The following ARHGAP10 variants were observed in gnomAD, a reference collection of about 807,000 sequenced individuals.
The protein encoded by ARHGAP10 is Rho GTPase activating protein 10.
In ARHGAP10, 87 loss-of-function variants were observed where a neutral mutation model predicts 108.6. The ratio of observed to expected loss-of-function variants is 0.80; its 90% confidence interval spans 0.67 to 0.96. The LOEUF (loss-of-function observed/expected upper bound fraction) is 0.96, where lower values mean the gene tolerates loss of function less well. ARHGAP10 is among the 40% of genes least tolerant of loss of function. The pLI is 0.00. For missense variants in ARHGAP10, 939 were observed against 954.5 expected (o/e 0.98, Z 0.21); for synonymous variants, 347 against 341.1 (o/e 1.02, Z -0.19).
In ARHGAP10 at chr4:148,007,535, G is replaced by A. The variant is rs528975478; in HGVS notation, c.1717-15728G>A. ...ATGGGTATGTATTTTCTCCTTCAGCGATTCATGAGTCAGCTATTCAAGCCC... is the reference window on the plus strand; with the variant it reads ...ATGGGTATGTATTTTCTCCTTCAGCAATTCATGAGTCAGCTATTCAAGCCC... On this transcript the variant is annotated intron_variant, in intron 18 of 22. Coordinates refer to ENST00000336498, the MANE Select transcript of ARHGAP10 (RefSeq NM_024605.4). Among the ~76,000 whole-genome samples the A allele has an allele frequency of 5.8e-4, 88 of 152,280 alleles. 1 individual carries two copies. In the South Asian group the frequency reaches 0.014, roughly 24 times the overall value.
chr4:147,847,871 T>C (rs1275789124), intron 4 of ARHGAP10, among the ~76,000 whole-genome samples: 1 of 152,228 alleles, frequency 6.6e-6, no homozygotes, highest in Non-Finnish European at 1.5e-5. Context: ...TAGCAACTTA[T>C]TTAAAATGTG....
At position 148,016,568 on chromosome 4, in the gene ARHGAP10, C is replaced by G. The variant is rs1030014313; in HGVS notation, c.1717-6695C>G. Among the ~76,000 whole-genome samples the G allele has an allele frequency of 2.0e-5, 3 of 152,086 alleles. 1 individual carries two copies. Among genetic ancestry groups the G allele is most frequent in the Admixed American group, 6.6e-5 (1 of 15,266 alleles). ...TTTTTTCTCTGTTCTTATAACACAA[C>G]AATCAACACAGAAAACCTTTGTGTC... On this transcript the variant is annotated intron_variant, in intron 18 of 22. Transcript: ENST00000336498.
chr4:147,824,476 G>A (rs1732626269), intron 3 of ARHGAP10, among the ~76,000 whole-genome samples: 1 of 152,186 alleles, frequency 6.6e-6, no homozygotes. Context: ...GTGTGCCAGT[G>A]CATTAGTCCG....
At chr4:147,849,816 T>C (rs1286999942) in intron 4 of ARHGAP10, among the ~76,000 whole-genome samples, 1 of 152,222 alleles carries the variant, frequency 6.6e-6, no homozygotes, top group Non-Finnish European at 1.5e-5. Flanking sequence ...ATGCTCTCCT[T>C]GAGCCCTATC....
intron 4 of ARHGAP10, among the ~76,000 whole-genome samples, chr4:147,852,399 C>T (rs1377981828): frequency 6.6e-6 from 1 of 152,150 alleles, no homozygotes; most frequent in Admixed American, 6.5e-5. Context: ...GTGCTCCATT[C>T]TGTGAGGATG....
Position 147,906,733 on chromosome 4 carries a change from A to G in ARHGAP10, c.1116+14A>G, listed in dbSNP as rs139674812. The G allele has an allele frequency of 5.8e-4, 938 of 1,613,660 alleles. 2 individuals carry two copies. In the African/African-American group the frequency reaches 6.9e-3, roughly 12 times the overall value. ...GGAAAGGAAGCTGTAAGAATAATCA[A>G]TGGTTGAGTTTTATTTCAAAGCCTT... On this transcript the variant is annotated intron_variant, in intron 11 of 22. Coordinates refer to ENST00000336498, the MANE Select transcript of ARHGAP10 (RefSeq NM_024605.4).
intron 1 of ARHGAP10, among the ~76,000 whole-genome samples, chr4:147,803,177 T>C (rs1381696633): frequency 6.6e-6 from 1 of 152,108 alleles, no homozygotes; most frequent in Non-Finnish European, 1.5e-5. Context: ...CCAAGCTGAT[T>C]TTTGTAATTT....
intron 1 of ARHGAP10, among the ~76,000 whole-genome samples, chr4:147,773,780 G>C (rs1730173057): frequency 1.3e-5 from 2 of 152,210 alleles, no homozygotes; most frequent in Non-Finnish European, 2.9e-5. Flanking sequence ...TCTTTAGAAT[G>C]TGAGTCAATA....
intron 12 of ARHGAP10, among the ~76,000 whole-genome samples, chr4:147,911,579 G>A (rs953366898): frequency 5.7e-4 from 87 of 152,242 alleles, no homozygotes; most frequent in Middle Eastern, 6.8e-3. Context: ...AGCCAGGATG[G>A]TCTTGATCTC....
intron 16 of ARHGAP10, among the ~76,000 whole-genome samples, chr4:147,959,085 T>C (rs546010906): frequency 2.0e-5 from 3 of 152,338 alleles, no homozygotes; most frequent in African/African-American, 7.2e-5. Context: ...TAAGCAACTT[T>C]AGATGATTTA....
intron 18 of ARHGAP10, among the ~76,000 whole-genome samples, chr4:147,977,653 CT>C (rs202134962): frequency 1.3e-5 from 2 of 151,250 alleles, no homozygotes; most frequent in Non-Finnish European, 3.0e-5. Flanking sequence ...AATTGTGTGA[CT>C]TTTTTTTTCC....
At chr4:147,911,994 C>CGTGTGTGTGT (rs36217593) in intron 12 of ARHGAP10, among the ~76,000 whole-genome samples, 2 of 135,434 alleles carry the variant, frequency 1.5e-5, no homozygotes, top group African/African-American at 5.8e-5. Context: ...AGAACATTCA[C>CGTGTGTGTGT]GTGTGTGTGT....
intron 1 of ARHGAP10, among the ~76,000 whole-genome samples, chr4:147,751,222 G>A (rs1225511020): frequency 1.3e-5 from 2 of 151,944 alleles, no homozygotes; most frequent in Admixed American, 1.3e-4. Context: ...GATCACTATT[G>A]TTTTAGATTA....
chr4:147,911,467 G>A (rs546393264), intron 12 of ARHGAP10, among the ~76,000 whole-genome samples: 6 of 152,286 alleles, frequency 3.9e-5, no homozygotes, highest in African/African-American at 7.2e-5. Context: ...GGTTCACTCC[G>A]TTTTCCTGTC....
intron 19 of ARHGAP10, among the ~76,000 whole-genome samples, chr4:148,024,450 A>C (rs974901783): frequency 1.3e-5 from 2 of 152,192 alleles, no homozygotes; most frequent in Non-Finnish European, 2.9e-5. Context: ...CCAGGTGGTT[A>C]ATATCCAGAG....
rs1320394108 is a variant in ARHGAP10 at position 147,732,446 on chromosome 4, G to A, written c.145G>A (p.Ala49Thr). The A allele has an allele frequency of 6.2e-7, 1 of 1,612,238 alleles. No individual in the cohort carries two copies. Among genetic ancestry groups the A allele is most frequent in the South Asian group, 1.1e-5 (1 of 90,848 alleles). The change falls in exon 1 of 23, where the codon GCG (alanine) becomes ACG (threonine). Residue 49 changes from alanine to threonine, a missense_variant. Ala to Thr is a moderately conservative substitution (Grantham distance 58, BLOSUM62 0). Transcript: ENST00000336498. ...LIKDGKNLIA[A>T]TKSLSVAQRK... The stretch of plus-strand genomic sequence containing the variant: ...TAAGGACGGGAAGAACCTCATCGCT[G>A]CGACGAAAAGTAAGCGGGGACGCGG...
intron 10 of ARHGAP10, among the ~76,000 whole-genome samples, chr4:147,893,434 A>AAT (rs1735866523): frequency 6.8e-6 from 1 of 147,660 alleles, no homozygotes; most frequent in African/African-American, 2.4e-5. Context: ...TATATATTTC[A>AAT]ATATATATAT....
chr4:148,009,629 A>G (rs557462342), intron 18 of ARHGAP10, among the ~76,000 whole-genome samples: 1 of 152,288 alleles, frequency 6.6e-6, no homozygotes, highest in African/African-American at 2.4e-5. Context: ...ATTAATTCAC[A>G]TGTTTCTAGT....
chr4:147,919,246 A>C (rs1737126508), intron 13 of ARHGAP10, among the ~76,000 whole-genome samples: 1 of 152,206 alleles, frequency 6.6e-6, no homozygotes, highest in Non-Finnish European at 1.5e-5. Context: ...TGACCTATGG[A>C]TATTAATATA....
Sources: allele counts gnomAD v4.1 joint callset (sites outside exome capture counted in the v4.1 genomes callset), GRCh38; gene constraint gnomAD v4.1.1; transcripts MANE v1.5; gene names NCBI Gene and HGNC (gene_info 2026-07-23, HGNC 2026-07-21).